The following MAP2 variants were observed in gnomAD, a reference collection of about 807,000 sequenced individuals.
MAP2 encodes the protein microtubule-associated protein 2.
A neutral mutation model predicts 137.6 loss-of-function variants in MAP2; 14 were observed. The ratio of observed to expected loss-of-function variants is 0.10; its 90% CI spans 0.07 to 0.16. The LOEUF (loss-of-function observed/expected upper bound fraction) is 0.16, where lower values mean the gene tolerates loss of function less well. Among genes scored for constraint, MAP2 ranks in the 10% least tolerant of loss-of-function variants. The pLI is 1.00. For missense variants in MAP2, 2,088 were observed against 2,191.5 expected (o/e 0.95, Z 0.94); for synonymous variants, 786 against 782.3 (o/e 1.00, Z -0.08).
chr2:209,629,294 G>A (rs2092734454), intron 4 of MAP2, among the ~76,000 whole-genome samples: 1 of 152,118 alleles, frequency 6.6e-6, no homozygotes, highest in Admixed American at 6.6e-5. Flanking sequence ...TCATAGATGA[G>A]CAAAGTTTAT....
intron 1 of MAP2, among the ~76,000 whole-genome samples, chr2:209,446,521 C>T (rs112038469): frequency 0.029 from 4,402 of 151,730 alleles, 192 homozygotes; most frequent in African/African-American, 0.098. Context: ...ACAGACTGTA[C>T]ATTTTAAAAT....
chr2:209,487,881 A>G (rs1168169395), intron 1 of MAP2, among the ~76,000 whole-genome samples: 1 of 152,236 alleles, frequency 6.6e-6, no homozygotes, highest in African/African-American at 2.4e-5. Context: ...AATAAAAATT[A>G]AAAAGAAGGA....
At chr2:209,653,905 T>G (rs1277153307) in intron 5 of MAP2, among the ~76,000 whole-genome samples, 1 of 152,210 alleles carries the variant, frequency 6.6e-6, no homozygotes, top group Non-Finnish European at 1.5e-5. Flanking sequence ...CAAGGTGTTG[T>G]GTTAGCTTCT....
Position 209,549,233 on chromosome 2 carries a change from T to C in MAP2, c.-171-30803T>C, listed in dbSNP as rs138970256. ...CTAGAGCTGGCTATCACTAAACCTA[T>C]CACTGGGCAAGGGAAATGGCTGTGA... is the stretch of plus-strand genomic sequence containing the variant. On this transcript the variant is annotated intron_variant, in intron 2 of 15. Transcript: ENST00000682079. 1.0e-3 allele frequency among the ~76,000 whole-genome samples: 153 copies of C among 152,316 alleles called. 1 individual carries two copies. The highest frequency in any genetic ancestry group is 1.8e-3 in the Non-Finnish European group (122 of 68,032).
intron 4 of MAP2, among the ~76,000 whole-genome samples, chr2:209,636,081 C>T (rs1354672024): frequency 3.9e-5 from 6 of 152,008 alleles, no homozygotes; most frequent in African/African-American, 7.2e-5. Flanking sequence ...TATCACCCAC[C>T]CTCTGCACTT....
intron 3 of MAP2, among the ~76,000 whole-genome samples, chr2:209,620,410 G>A (rs1422206981): frequency 6.6e-6 from 1 of 152,162 alleles, no homozygotes; most frequent in Non-Finnish European, 1.5e-5. Context: ...TTTGCTAACA[G>A]CTCTTAATCC....
chr2:209,460,102 AT>A (rs1702411107), intron 1 of MAP2, among the ~76,000 whole-genome samples: 1 of 152,264 alleles, frequency 6.6e-6, no homozygotes, highest in African/African-American at 2.4e-5. Flanking sequence ...TTTAGAAATT[AT>A]AATTCAGTTT....
chr2:209,598,305 T>C (rs2153453261), intron 3 of MAP2, among the ~76,000 whole-genome samples: 1 of 152,142 alleles, frequency 6.6e-6, no homozygotes, highest in South Asian at 2.1e-4. Flanking sequence ...GTACCCAGCC[T>C]TGTGTCTGTC....
chr2:209,694,331 G>A lies in MAP2; in HGVS notation c.2161G>A (p.Gly721Arg). 2 of 1,614,062 alleles carry A rather than the reference G, an allele frequency of 1.2e-6. No homozygotes were observed. The highest frequency in any genetic ancestry group is 1.7e-6 in the Non-Finnish European group (2 of 1,180,004). Residue 721 changes from glycine (G) to arginine (R), a missense_variant, in exon 8 of 16, where the codon GGA (glycine) becomes AGA (arginine). Around this residue, in one of 6 missense-constraint regions of MAP2, gnomAD observed 500 missense variants for 482.9 expected, o/e 1.04. Coordinates refer to ENST00000682079, the MANE Select transcript of MAP2 (RefSeq NM_001375505.1). ...SIALGFNFGR[G>R]HDLSPLASDI... ...AGCCCTTGGATTTAACTTTGGTCGGGGACATGATCTTTCTCCTCTGGCTTC... is the reference window on the plus strand; with the variant it reads ...AGCCCTTGGATTTAACTTTGGTCGGAGACATGATCTTTCTCCTCTGGCTTC...
intron 7 of MAP2, among the ~76,000 whole-genome samples, chr2:209,689,812 A>C (rs538613683): frequency 6.6e-6 from 1 of 152,324 alleles, no homozygotes; most frequent in African/African-American, 2.4e-5. Context: ...CAATATGATA[A>C]TAGTTGTGTC....
chr2:209,429,120 A>AT (rs1253651661), intron 1 of MAP2, among the ~76,000 whole-genome samples: 2 of 151,268 alleles, frequency 1.3e-5, no homozygotes, highest in Non-Finnish European at 1.5e-5. Flanking sequence ...CTCCCGGCTA[A>AT]TTTTTTGTAT....
intron 1 of MAP2, among the ~76,000 whole-genome samples, chr2:209,446,165 T>C (rs920670406): frequency 6.6e-6 from 1 of 151,802 alleles, no homozygotes; most frequent in Non-Finnish European, 1.5e-5. Context: ...TTTCTTACTT[T>C]TTAAAATTAA....
chr2:209,728,809 G>T (rs2075063384), intron 14 of MAP2, among the ~76,000 whole-genome samples: 2 of 152,140 alleles, frequency 1.3e-5, no homozygotes, highest in Non-Finnish European at 2.9e-5. Context: ...GAAATATGTA[G>T]TCTGTAAGAT....
Position 209,705,689 on chromosome 2 carries a change from T to A in MAP2, c.4694T>A (p.Leu1565His), listed in dbSNP as rs1420192802. 1.2e-6 allele frequency: 2 copies of A among 1,613,210 alleles called. No individual in the cohort carries two copies. Among genetic ancestry groups the A allele is most frequent in the South Asian group, 2.2e-5 (2 of 91,058 alleles). ...SGDRDENSFS[L>H]NSSISSSARR... is the part of the protein sequence containing the mutation. ...GACAGAGATGAGAATTCCTTCTCTC[T>A]CAACAGTTCTATCTCTTCTTCAGCA... The change falls in exon 12 of 16, where the codon CTC (leucine) becomes CAC (histidine). Residue 1565 changes from leucine (L) to histidine (H), a missense_variant. Physicochemically the swap from Leu to His is moderately conservative, Grantham distance 99. Around this residue, in one of 6 missense-constraint regions of MAP2, gnomAD observed 591 missense variants for 642.6 expected, o/e 0.92. Coordinates refer to ENST00000682079, the MANE Select transcript of MAP2 (RefSeq NM_001375505.1).
chr2:209,715,509 C>CA (rs968120698), intron 13 of MAP2, among the ~76,000 whole-genome samples: 222 of 136,276 alleles, frequency 1.6e-3, no homozygotes, highest in Non-Finnish European at 2.0e-3. Flanking sequence ...GAAAGGTGAG[C>CA]AAAAAAAAAA....
At chr2:209,561,668 A>G (rs1296246222) in intron 2 of MAP2, among the ~76,000 whole-genome samples, 1 of 152,244 alleles carries the variant, frequency 6.6e-6, no homozygotes, top group East Asian at 1.9e-4. Context: ...TGGACATGTT[A>G]AGAAAATATG....
At chr2:209,445,647 T>C (rs571378300) in intron 1 of MAP2, among the ~76,000 whole-genome samples, 57 of 151,672 alleles carry the variant, frequency 3.8e-4, no homozygotes, top group African/African-American at 1.3e-3. Context: ...TTAACTACGG[T>C]GACTTATTAA....
At chr2:209,529,722 A>C (rs879767436) in intron 2 of MAP2, among the ~76,000 whole-genome samples, 1 of 152,130 alleles carries the variant, frequency 6.6e-6, no homozygotes. Context: ...AGAAGCAATA[A>C]ATACTTTGAG....
chr2:209,704,599 A>T (rs1195884386), intron 11 of MAP2: 2 of 1,603,736 alleles, frequency 1.2e-6, no homozygotes, highest in Middle Eastern at 1.7e-4. Flanking sequence ...ACCGTTTGCC[A>T]TACTCAAAAT....
Sources: allele counts gnomAD v4.1 joint callset (sites outside exome capture counted in the v4.1 genomes callset), GRCh38; gene constraint gnomAD v4.1.1; regional missense constraint gnomAD v4.1.1; transcripts MANE v1.5; gene names NCBI Gene and HGNC (gene_info 2026-07-23, HGNC 2026-07-21).